The following SH2D2A variants were observed in gnomAD, a reference collection of about 807,000 sequenced individuals.
SH2D2A encodes SH2 domain containing 2A, also known as SH2 domain-containing protein 2A.
SH2D2A carries 33 observed loss-of-function variants against 43.6 expected under a neutral mutation model. That is an observed-to-expected ratio of 0.76 (90% CI 0.57 to 1.01). SH2D2A has a LOEUF of 1.01. Ranked by LOEUF, SH2D2A falls within the 50% of genes least tolerant of loss-of-function variation. SH2D2A has a pLI of 0.00. For missense variants in SH2D2A, 491 were observed against 503.1 expected, an observed-to-expected ratio of 0.98 and a Z score of 0.23; for synonymous variants, 212 against 206.1, an observed-to-expected ratio of 1.03 and a Z score of -0.25.
At chr1:156,816,316 G>A (rs1294324749) in intron 1 of SH2D2A, among the ~76,000 whole-genome samples, 1 of 152,196 alleles carries the variant, frequency 6.6e-6, no homozygotes, top group African/African-American at 2.4e-5. Context: ...GGGACACCAG[G>A]TGCCTAGAAG....
chr1:156,809,011 G>A lies in SH2D2A; in HGVS notation c.1002+192C>T, dbSNP rs1449051147. ...AAAGATGAGGTCTGAGCGACTCTGG[G>A]GAGAAGAGGGGGCAGCCTCTGGGCC... On this transcript the variant is annotated intron_variant, in intron 7 of 8. Coordinates refer to ENST00000368199, the MANE Select transcript of SH2D2A (RefSeq NM_003975.4). The surrounding 1 kb of genome is among the most constrained non-coding windows in gnomAD (Gnocchi z 4.8). 1.3e-5 allele frequency among the ~76,000 whole-genome samples: 2 copies of A among 152,152 alleles called. No individual in the cohort carries two copies. The highest frequency in any genetic ancestry group is 1.5e-5 in the Non-Finnish European group (1 of 68,016).
In SH2D2A at chr1:156,809,420, A is replaced by G. The variant is rs1653231481; in HGVS notation, c.785T>C (p.Ile262Thr). Residue 262 changes from isoleucine (I) to threonine (T), a missense_variant, in exon 7 of 9, where the codon ATC becomes ACC. Physicochemically the swap from Ile to Thr is moderately conservative, Grantham distance 89. Transcript: ENST00000368199. This position sits in a 1 kb window ranked among gnomAD's most constrained non-coding sequence, Gnocchi z 4.8. Reference sequence around the variant, plus strand: ...GGCCGGGCGGTGTCGTGGAACAGGGATTGTGTAGACTTCTGGGGGCAGCTG... The same window carrying G: ...GGCCGGGCGGTGTCGTGGAACAGGGGTTGTGTAGACTTCTGGGGGCAGCTG... ...KPQLPPEVYTIPVPRHRPAPR... is the reference protein window; with the variant it reads ...KPQLPPEVYTTPVPRHRPAPR... 6.2e-7 allele frequency: 1 copy of G among 1,613,294 alleles called. No homozygotes were observed. Among genetic ancestry groups the G allele is most frequent in the Admixed American group, 1.7e-5 (1 of 59,968 alleles).
At position 156,813,842 on chromosome 1, in the gene SH2D2A, G is replaced by T. The variant is rs536300508; in HGVS notation, c.567+6C>A. On this transcript the variant is annotated splice_donor_region_variant and intron_variant, in intron 5 of 8. Coordinates refer to ENST00000368199, the MANE Select transcript of SH2D2A (RefSeq NM_003975.4). The stretch of plus-strand genomic sequence containing the variant: ...GGGCTCTCTGGTCAGGGTCTGGGGC[G>T]CGTACCTGTCGGGCGAGGGGCTCGG... 2.2e-5 allele frequency: 32 copies of T among 1,470,526 alleles called. 1 individual carries two copies. In the South Asian group the frequency reaches 3.9e-4, roughly 18 times the overall value. The allele number at this position is 1,470,526 out of a possible 1,614,324, so 91.1% of individuals were successfully genotyped here. A position where few individuals can be genotyped will look rare whatever the true frequency, so the allele number is the denominator to read the frequency against.
At position 156,816,740 on chromosome 1, in the gene SH2D2A, G is replaced by A. The variant is rs374433025; in HGVS notation, c.-32C>T. 4 of 1,580,110 alleles carry A rather than the reference G, an allele frequency of 2.5e-6. No individual in the cohort carries two copies. The highest frequency in any genetic ancestry group is 3.4e-6 in the Non-Finnish European group (4 of 1,163,136). ...AGCCTCACAAGGGATCCCAGAGCAG[G>A]GTGTGTGTATGTGTTCCGGAAAGGT... On this transcript the variant is annotated 5_prime_UTR_variant, in exon 1 of 9. Transcript: ENST00000368199.
intron 2 of SH2D2A, 167 bp downstream of exon 2, chr1:156,815,839 G>T: frequency 6.2e-7 from 1 of 1,613,428 alleles, no homozygotes; most frequent in Non-Finnish European, 8.5e-7. Context: ...CATGAAGGAG[G>T]TACTCCTCAT....
Position 156,810,230 on chromosome 1 carries a change from G to A in SH2D2A, c.568-423C>T, listed in dbSNP as rs780034077. ...TGTTTTCATTTCTTGTAGAGATGAGGTCTCACTATGTTGCCCAGGCTTGGT... is the reference window on the plus strand; with the variant it reads ...TGTTTTCATTTCTTGTAGAGATGAGATCTCACTATGTTGCCCAGGCTTGGT... On this transcript the variant is annotated intron_variant, in intron 5 of 8. Coordinates refer to ENST00000368199, the MANE Select transcript of SH2D2A (RefSeq NM_003975.4). Among the ~76,000 whole-genome samples the A allele has an allele frequency of 3.9e-5, 6 of 152,250 alleles. No homozygotes were observed. The South Asian group carries it at 8.3e-4, about 21-fold the overall frequency.
intron 5 of SH2D2A, among the ~76,000 whole-genome samples, chr1:156,812,154 G>A (rs1480803654): frequency 6.6e-6 from 1 of 151,994 alleles, no homozygotes; most frequent in African/African-American, 2.4e-5. Context: ...CTTCTGAGGA[G>A]ACTTCCACCC....
chr1:156,814,593 G>A (rs748617274), intron 3 of SH2D2A: 4 of 480,352 alleles, frequency 8.3e-6, no homozygotes, highest in Middle Eastern at 1.1e-3. Context: ...GAAAGTAGTT[G>A]GACTTCCAGA....
Position 156,816,009 on chromosome 1 carries a change from A to C in SH2D2A, c.120T>G (p.Thr40=), listed in dbSNP as rs1418382056. 6.2e-7 allele frequency: 1 copy of C among 1,613,778 alleles called. No homozygotes were observed. Among genetic ancestry groups the C allele is most frequent in the Non-Finnish European group, 8.5e-7 (1 of 1,179,850 alleles). The change falls in exon 2 of 9, where the codon ACT becomes ACG. Residue 40 remains threonine, a synonymous_variant. Transcript: ENST00000368199. ...TRRSCQNLGY[T]AASPQAPEAA... ...GCCGCCCCAGGTTTCCACTCACCGCAGTGTAGCCCAGGTTCTGGCAGCTCC... is the reference window on the plus strand; with the variant it reads ...GCCGCCCCAGGTTTCCACTCACCGCCGTGTAGCCCAGGTTCTGGCAGCTCC...
Position 156,809,916 on chromosome 1 carries a change from G to C in SH2D2A, c.568-109C>G. ...AAGTGGAGGATGGGGGAAGGGGGAG[G>C]AGCACAGAAATTTGGCCTGGGCTGG... On this transcript the variant is annotated intron_variant, in intron 5 of 8. Coordinates refer to ENST00000368199, the MANE Select transcript of SH2D2A (RefSeq NM_003975.4). This position sits in a 1 kb window ranked among gnomAD's most constrained non-coding sequence, Gnocchi z 4.8. 2 of 1,293,786 alleles carry C rather than the reference G, an allele frequency of 1.5e-6. No individual in the cohort carries two copies. Among genetic ancestry groups the C allele is most frequent in the Non-Finnish European group, 2.2e-6 (2 of 922,138 alleles). The allele number at this position is 1,293,786 out of a possible 1,614,324, so 80.1% of individuals were successfully genotyped here. A position where few individuals can be genotyped will look rare whatever the true frequency, so the allele number is the denominator to read the frequency against.
In SH2D2A at chr1:156,814,227, C is replaced by G. The variant is rs2102813473; in HGVS notation, c.376G>C (p.Val126Leu). 1 of 1,613,924 alleles carries G rather than the reference C, an allele frequency of 6.2e-7. No individual in the cohort carries two copies. The highest frequency in any genetic ancestry group is 1.7e-5 in the Admixed American group (1 of 60,020). The change falls in exon 4 of 9, where the codon GTG (valine) becomes CTG (leucine). Residue 126 changes from valine to leucine, a missense_variant. Physicochemically the swap from Val to Leu is conservative, Grantham distance 32. Transcript: ENST00000368199. ...CACCTGTAAGTCAGCACGAAGGTCA[C>G]CGCGCTCTCGCTGAACCGCACCAAG... The part of the protein sequence containing the change: ...CYLVRFSESA[V>L]TFVLTYRSRT...
rs1201468208 is a variant in SH2D2A at position 156,807,763 on chromosome 1, G to C, written c.1003-418C>G. On this transcript the variant is annotated intron_variant, in intron 7 of 8. Transcript: ENST00000368199. The surrounding 1 kb of genome is among the most constrained non-coding windows in gnomAD (Gnocchi z 5.1). ...GATGAGGTTGCAGGAAGTTGCTATA[G>C]GCAGAGATACTGGCGGGTGCAAACC... 6.6e-6 allele frequency among the ~76,000 whole-genome samples: 1 copy of C among 152,198 alleles called. No homozygotes were observed. The highest frequency in any genetic ancestry group is 1.5e-5 in the Non-Finnish European group (1 of 68,030).
chr1:156,816,243 T>A, intron 1 of SH2D2A, 149 bp from the exon 2 acceptor site: 1 of 1,355,582 alleles, frequency 7.4e-7, no homozygotes, highest in Non-Finnish European at 9.8e-7. Flanking sequence ...GGGGAGTTTC[T>A]CAGGCATGAG....
Position 156,814,031 on chromosome 1 carries a change from T to C in SH2D2A, c.399-15A>G, listed in dbSNP as rs1048725085. Reference sequence around the variant, plus strand: ...AAGTCCGGCTCCTGGAGGGCGCCGTTAGGGATCAGACTATCTCCCGCTCCT... The same window carrying C: ...AAGTCCGGCTCCTGGAGGGCGCCGTCAGGGATCAGACTATCTCCCGCTCCT... On this transcript the variant is annotated splice_polypyrimidine_tract_variant and intron_variant, in intron 4 of 8. Coordinates refer to ENST00000368199, the MANE Select transcript of SH2D2A (RefSeq NM_003975.4). 1 of 1,498,962 alleles carries C rather than the reference T, an allele frequency of 6.7e-7. No homozygotes were observed. Among genetic ancestry groups the C allele is most frequent in the Admixed American group, 2.1e-5 (1 of 48,314 alleles). 92.9% of individuals were successfully genotyped at this position (1,498,962 alleles called of 1,614,324 possible).
At position 156,807,048 on chromosome 1, in the gene SH2D2A, C is replaced by A; in HGVS notation, c.*3+127G>T. ...TTGCCATCCTTGCAATAGATGATGG[C>A]TGAGCTCCTTTCCAGCTTTGAACAC... On this transcript the variant is annotated intron_variant, in intron 8 of 8. Coordinates refer to ENST00000368199, the MANE Select transcript of SH2D2A (RefSeq NM_003975.4). The surrounding 1 kb of genome is among the most constrained non-coding windows in gnomAD (Gnocchi z 5.1). The A allele has an allele frequency of 1.1e-6, 1 of 877,942 alleles. No individual in the cohort carries two copies. Among genetic ancestry groups the A allele is most frequent in the Non-Finnish European group, 1.8e-6 (1 of 549,458 alleles). The allele number at this position is 877,942 out of a possible 1,614,324, so 54.4% of individuals were successfully genotyped here.
In SH2D2A at chr1:156,809,251, C is replaced by T. The variant is rs1213400502; in HGVS notation, c.954G>A (p.Gly318=). 3.1e-6 allele frequency: 5 copies of T among 1,613,942 alleles called. No homozygotes were observed. Among genetic ancestry groups the T allele is most frequent in the South Asian group, 1.1e-5 (1 of 91,040 alleles). Residue 318 remains glycine, a synonymous_variant, in exon 7 of 9, where the codon GGG becomes GGA. Coordinates refer to ENST00000368199, the MANE Select transcript of SH2D2A (RefSeq NM_003975.4). This position sits in a 1 kb window ranked among gnomAD's most constrained non-coding sequence, Gnocchi z 4.8. ...VEDEGLPATL[G]HPVLRKSWSR... is the part of the protein sequence containing the mutation. The stretch of plus-strand genomic sequence containing the variant: ...ACCAGCTCTTCCGTAGGACAGGGTG[C>T]CCAAGGGTGGCGGGTAGGCCCTCAT...
At chr1:156,813,809 G>C in intron 5 of SH2D2A, 39 bp downstream of exon 5, 2 of 1,361,010 alleles carry the variant, frequency 1.5e-6, no homozygotes, top group Non-Finnish European at 1.9e-6. Context: ...GCGCTGGCCC[G>C]AGACCCTGGG....
rs1192804150 is a variant in SH2D2A, at chr1:156,809,194, C to T, written c.1002+9G>A. On this transcript the variant is annotated intron_variant, in intron 7 of 8. Transcript: ENST00000368199. This position sits in a 1 kb window ranked among gnomAD's most constrained non-coding sequence, Gnocchi z 4.8. ...TCTTGCACCTACCTTTCCCTGCATA[C>T]CCATTTACCTGGCCTCCTGGGACAG... 5 of 1,599,140 alleles carry T rather than the reference C, an allele frequency of 3.1e-6. No homozygotes were observed. Among genetic ancestry groups the T allele is most frequent in the Admixed American group, 1.7e-5 (1 of 58,700 alleles).
Position 156,816,810 on chromosome 1 carries a change from G to C in SH2D2A, c.-102C>G, listed in dbSNP as rs72698634. 7 of 1,143,558 alleles carry C rather than the reference G, an allele frequency of 6.1e-6. No individual in the cohort carries two copies. Among genetic ancestry groups the C allele is most frequent in the Admixed American group, 2.9e-5 (1 of 34,462 alleles). The allele number at this position is 1,143,558 out of a possible 1,614,324, so 70.8% of individuals were successfully genotyped here. On this transcript the variant is annotated 5_prime_UTR_variant, in exon 1 of 9. Coordinates refer to ENST00000368199, the MANE Select transcript of SH2D2A (RefSeq NM_003975.4). ...TCATCTCTCCTCTCACCCTGGCCCC[G>C]GGGGCAGGAAATGTCGCCTTACCCA... is the stretch of plus-strand genomic sequence containing the variant.
Sources: gnomAD v4.1 joint callset for allele counts (sites outside exome capture counted in the v4.1 genomes callset) on GRCh38, gnomAD v4.1.1 for gene constraint, Gnocchi (gnomAD v3.1) non-coding constraint, MANE v1.5 for transcripts, NCBI Gene and HGNC (gene_info 2026-07-23, HGNC 2026-07-21) for gene names.